The following CDC42BPB variants were observed in gnomAD, a reference collection of about 807,000 sequenced individuals.
CDC42BPB encodes the protein CDC42 binding protein kinase beta.
Under a neutral mutation model 214.9 loss-of-function variants are expected in CDC42BPB, and 37 were observed. That is an observed-to-expected ratio of 0.17 (90% CI 0.13 to 0.23). The LOEUF (loss-of-function observed/expected upper bound fraction) is 0.23, where lower values mean the gene tolerates loss of function less well. Among genes scored for constraint, CDC42BPB ranks in the 10% least tolerant of loss-of-function variants. CDC42BPB has a pLI of 1.00. For synonymous variants in CDC42BPB, 931 were observed against 884.0 expected (o/e 1.05, Z -0.94); for missense variants, 1,694 against 2,227.0 (o/e 0.76, Z 4.82).
At chr14:103,022,803 C>T (rs953220455) in intron 1 of CDC42BPB, among the ~76,000 whole-genome samples, 33 of 152,168 alleles carry the variant, frequency 2.2e-4, no homozygotes, top group Non-Finnish European at 3.8e-4. Flanking sequence ...TGTGAGAACA[C>T]AGCCAATTCC....
Position 102,954,630 on chromosome 14 carries a change from A to T in CDC42BPB, c.2960T>A (p.Met987Lys). 6.2e-7 allele frequency: 1 copy of T among 1,613,968 alleles called. No individual in the cohort carries two copies. Among genetic ancestry groups the T allele is most frequent in the Non-Finnish European group, 8.5e-7 (1 of 1,179,924 alleles). The change falls in exon 22 of 37, where the codon ATG (methionine) becomes AAG (lysine). Residue 987 changes from methionine to lysine, a missense_variant. Met to Lys is a moderately conservative substitution (Grantham distance 95). Transcript: ENST00000361246. ...CTGCTGCTCTGATGCAGCCACAGAC[A>T]TCGACGGGGACGCTTCTGGCTTCGG... Reference protein sequence around the residue: ...QAPKPEASPSMSVAASEQQED... With the variant: ...QAPKPEASPSKSVAASEQQED...
intron 21 of CDC42BPB, among the ~76,000 whole-genome samples, 160 bp downstream of exon 21, chr14:102,959,471 T>G (rs561860797): frequency 2.0e-5 from 3 of 152,226 alleles, no homozygotes; most frequent in Non-Finnish European, 4.4e-5. Flanking sequence ...GTGGGTTGAT[T>G]ACATGTGGGT....
intron 20 of CDC42BPB, 94 bp from the exon 21 acceptor site, chr14:102,959,804 C>G (rs1892873976): frequency 2.5e-6 from 3 of 1,215,478 alleles, no homozygotes; most frequent in Non-Finnish European, 3.2e-6. Flanking sequence ...GTCAATTCTC[C>G]TTGAGTAACT....
intron 7 of CDC42BPB, among the ~76,000 whole-genome samples, chr14:102,981,545 C>T (rs984744442): frequency 1.5e-4 from 23 of 152,192 alleles, no homozygotes; most frequent in Non-Finnish European, 5.9e-5. Flanking sequence ...CTTTGGGAGG[C>T]CGAGGTGGGC....
chr14:103,032,627 C>G (rs927492472), intron 1 of CDC42BPB, among the ~76,000 whole-genome samples: 1 of 142,096 alleles, frequency 7.0e-6, no homozygotes, highest in African/African-American at 2.6e-5. Context: ...TAAAACAAAT[C>G]CACTTTTTTT....
In CDC42BPB at chr14:102,968,656, T is replaced by C; in HGVS notation, c.2056A>G (p.Ile686Val). The C allele has an allele frequency of 6.2e-7, 1 of 1,614,232 alleles. No homozygotes were observed. Residue 686 changes from isoleucine (I) to valine (V), a missense_variant, in exon 15 of 37, where the codon ATC (isoleucine) becomes GTC (valine). Physicochemically the swap from Ile to Val is conservative, Grantham distance 29. Transcript: ENST00000361246. The stretch of plus-strand genomic sequence containing the variant: ...ACTTTCTTCTCCAGCTCGGATTTGA[T>C]TTTGGAAATCTCTTGCTGGTGCTCT... The part of the protein sequence containing the change: ...TLEHQQEISK[I>V]KSELEKKVLF...
chr14:102,983,575 C>G lies in CDC42BPB; in HGVS notation c.872G>C (p.Gly291Ala), dbSNP rs775222428. 6.2e-7 allele frequency: 1 copy of G among 1,606,818 alleles called. No individual in the cohort carries two copies. Among genetic ancestry groups the G allele is most frequent in the South Asian group, 1.1e-5 (1 of 91,078 alleles). ...FYAESLVETYGKIMNHEERFQ... is the reference protein window; with the variant it reads ...FYAESLVETYAKIMNHEERFQ... The stretch of plus-strand genomic sequence containing the variant: ...TCTTACTTCATGGTTCATGATCTTC[C>G]CATAGGTCTCCACGAGTGACTCCGC... Residue 291 changes from glycine to alanine, a missense_variant, in exon 7 of 37, where the codon GGG (glycine) becomes GCG (alanine). Physicochemically the swap from Gly to Ala is moderately conservative, Grantham distance 60. Around this residue, in one of 7 missense-constraint regions of CDC42BPB, gnomAD observed 225 missense variants for 459.3 expected, o/e 0.49. Transcript: ENST00000361246.
chr14:103,028,234 T>C (rs1209959171), intron 1 of CDC42BPB, among the ~76,000 whole-genome samples: 1 of 152,204 alleles, frequency 6.6e-6, no homozygotes, highest in Non-Finnish European at 1.5e-5. Flanking sequence ...CAGAGACTAC[T>C]TGGGTGCACG....
At chr14:103,032,415 G>A (rs990924378) in intron 1 of CDC42BPB, among the ~76,000 whole-genome samples, 2 of 151,656 alleles carry the variant, frequency 1.3e-5, no homozygotes, top group Admixed American at 6.6e-5. Context: ...AAATATACTG[G>A]GCCAATAGTA....
chr14:102,967,988 G>A (rs909370269), intron 16 of CDC42BPB, among the ~76,000 whole-genome samples: 34 of 152,042 alleles, frequency 2.2e-4, no homozygotes, highest in Non-Finnish European at 4.4e-5. Context: ...CCAGCCACTT[G>A]GGAGGCTGAG....
At chr14:102,951,107 T>A (rs35349827) in intron 24 of CDC42BPB, among the ~76,000 whole-genome samples, 227 of 152,342 alleles carry the variant, frequency 1.5e-3, no homozygotes, top group Non-Finnish European at 2.5e-3. Context: ...GTCTTCAGCA[T>A]GCGCACAGGG....
chr14:103,043,530 G>A (rs190339873), intron 1 of CDC42BPB, among the ~76,000 whole-genome samples: 1 of 152,130 alleles, frequency 6.6e-6, no homozygotes, highest in African/African-American at 2.4e-5. Flanking sequence ...GTAGAGTTGG[G>A]GATAATAGCT....
intron 5 of CDC42BPB, among the ~76,000 whole-genome samples, chr14:102,993,207 C>A (rs973216634): frequency 1.4e-4 from 22 of 152,276 alleles, no homozygotes; most frequent in African/African-American, 4.6e-4. Flanking sequence ...TTAAATACAT[C>A]TCAATTAAAT....
At position 103,023,168 on chromosome 14, in the gene CDC42BPB, A is replaced by ATT. The variant is rs35470028; in HGVS notation, c.176-10982_176-10981dup. On this transcript the variant is annotated intron_variant, in intron 1 of 36. Transcript: ENST00000361246. The stretch of plus-strand genomic sequence containing the variant: ...ACAGGTGCGCATTATCATGTGGCTA[A>ATT]TTTTTTTTTTTTTTTTTGAGATGGA... Among the ~76,000 whole-genome samples, 787 of 129,152 alleles carry ATT rather than the reference A, an allele frequency of 6.1e-3. 14 individuals carry two copies. The highest frequency in any genetic ancestry group is 0.019 in the African/African-American group (648 of 33,842). 84.7% of individuals were successfully genotyped at this position (129,152 alleles called of 152,430 possible).
intron 11 of CDC42BPB, chr14:102,974,361 G>C (rs1893639918): frequency 5.1e-6 from 5 of 983,560 alleles, no homozygotes; most frequent in East Asian, 1.1e-4. Flanking sequence ...TGCTGAACAG[G>C]CTCCCTAGAC....
chr14:103,036,241 C>G (rs756935730), intron 1 of CDC42BPB, among the ~76,000 whole-genome samples: 3 of 151,714 alleles, frequency 2.0e-5, no homozygotes, highest in Non-Finnish European at 4.4e-5. Flanking sequence ...CAAGCTCCCC[C>G]TCCTGGGTTC....
chr14:103,045,043 T>C (rs1251600136), intron 1 of CDC42BPB, among the ~76,000 whole-genome samples: 2 of 149,950 alleles, frequency 1.3e-5, no homozygotes, highest in African/African-American at 2.5e-5. Context: ...CTAAAATAAA[T>C]AAATAAATAA....
At chr14:102,958,603 G>C (rs1342562582) in intron 21 of CDC42BPB, among the ~76,000 whole-genome samples, 1 of 152,104 alleles carries the variant, frequency 6.6e-6, no homozygotes, top group Non-Finnish European at 1.5e-5. Flanking sequence ...ATGCCACCAA[G>C]AACCTGCGGC....
chr14:102,974,277 T>TTACACAC, intron 11 of CDC42BPB, 128 bp from the exon 12 acceptor site: 1 of 1,406,624 alleles, frequency 7.1e-7, no homozygotes, highest in East Asian at 2.7e-5. Context: ...GAGGTTTTTT[T>TTACACAC]ACTTACACAC....
Sources: allele counts gnomAD v4.1 joint callset (sites outside exome capture counted in the v4.1 genomes callset), GRCh38; gene constraint gnomAD v4.1.1; regional missense constraint gnomAD v4.1.1; transcripts MANE v1.5; gene names NCBI Gene and HGNC (gene_info 2026-07-23, HGNC 2026-07-21).